Variants in IVNS1ABP observed in about 807,000 individuals in gnomAD.
IVNS1ABP encodes the protein influenza virus NS1A binding protein, also known as influenza virus NS1A-binding protein.
In IVNS1ABP, 25 loss-of-function variants were observed where a neutral mutation model predicts 78.9. The ratio of observed to expected loss-of-function variants is 0.32; its 90% confidence interval spans 0.23 to 0.44. The LOEUF is 0.44. IVNS1ABP is among the 20% of genes least tolerant of loss of function. The pLI is 1.00. For synonymous variants in IVNS1ABP, 241 were observed against 259.7 expected (o/e 0.93, Z 0.69); for missense variants, 494 against 768.9 (o/e 0.64, Z 4.23).
rs1436743484 is a variant in IVNS1ABP at position 185,301,095 on chromosome 1, G to T, written c.997C>A (p.Leu333Ile). The change falls in exon 10 of 15, where the codon CTA becomes ATA. Residue 333 changes from leucine to isoleucine, a missense_variant. Physicochemically the swap from Leu to Ile is conservative, Grantham distance 5 (BLOSUM62 2). Coordinates refer to ENST00000367498, the MANE Select transcript of IVNS1ABP (RefSeq NM_006469.5). ...PQSSPTSTPK[L>I]SKSLSFEMQQ... ...ATCTCAAAGCTTAAACTCTTACTTA[G>T]TTTTGGAGTACTTGTTGGTGAGCTC... 6 of 1,613,458 alleles carry T rather than the reference G, an allele frequency of 3.7e-6. No homozygotes were observed. Among genetic ancestry groups the T allele is most frequent in the Non-Finnish European group, 5.1e-6 (6 of 1,179,686 alleles).
chr1:185,307,200 C>T (rs571002321), intron 6 of IVNS1ABP, 61 bp from the exon 7 acceptor site: 3 of 1,576,248 alleles, frequency 1.9e-6, no homozygotes, highest in African/African-American at 1.4e-5. Flanking sequence ...CAGCTTAATT[C>T]CCAATTTCAT....
chr1:185,296,674 A>C lies in IVNS1ABP; in HGVS notation c.*1361T>G, dbSNP rs141435689. 222 of 152,230 alleles carry C rather than the reference A, an allele frequency of 1.5e-3. 1 individual carries two copies. Among genetic ancestry groups the C allele is most frequent in the African/African-American group, 5.3e-3 (220 of 41,550 alleles). 9.4% of individuals were successfully genotyped at this position (152,230 alleles called of 1,614,324 possible). A position where few individuals can be genotyped will look rare whatever the true frequency, so the allele number is the denominator to read the frequency against. On this transcript the variant is annotated 3_prime_UTR_variant, in exon 15 of 15. Coordinates refer to ENST00000367498, the MANE Select transcript of IVNS1ABP (RefSeq NM_006469.5). ...TCTTCCTAACCCAAGTTAGCCACTG[A>C]ATAGTCATCTCAGAATAGTCACCTC...
rs750468870 is a variant in IVNS1ABP, at chr1:185,300,389, C to A, written c.1243-46G>T. The stretch of plus-strand genomic sequence containing the variant: ...GAGAATTTCTAACATCCTGAAGTTA[C>A]GAGGAAAAAGCTAAATAGGGGTTGC... On this transcript the variant is annotated intron_variant, in intron 11 of 14. Transcript: ENST00000367498. The A allele has an allele frequency of 3.7e-6, 6 of 1,613,152 alleles. No individual in the cohort carries two copies. In the African/African-American group the frequency reaches 4.0e-5, roughly 11 times the overall value.
In IVNS1ABP at chr1:185,301,475, G is replaced by C. The variant is rs1465204140; in HGVS notation, c.854C>G (p.Pro285Arg). The C allele has an allele frequency of 6.2e-7, 1 of 1,613,238 alleles. No homozygotes were observed. Among genetic ancestry groups the C allele is most frequent in the Non-Finnish European group, 8.5e-7 (1 of 1,179,418 alleles). ...AGCAACGATTTTCCACTCATGCTTA[G>C]GGCTTTGTACTGTAGCATTTGGAGA... ...LSSPNATVQS[P>R]KHEWKIVASE... The change falls in exon 9 of 15, where the codon CCT (proline) becomes CGT (arginine). Residue 285 changes from proline to arginine, a missense_variant. Transcript: ENST00000367498.
chr1:185,305,444 C>T lies in IVNS1ABP; in HGVS notation c.765+92G>A. The T allele has an allele frequency of 7.2e-7, 1 of 1,396,378 alleles. No homozygotes were observed. Among genetic ancestry groups the T allele is most frequent in the African/African-American group, 1.4e-5 (1 of 70,286 alleles). The allele number at this position is 1,396,378 out of a possible 1,614,324, so 86.5% of individuals were successfully genotyped here. ...TCCAGTTATACCAATGAAATTGGTC[C>T]ACTTTCCTTTATTAAAGGAAAATTT... On this transcript the variant is annotated intron_variant, in intron 8 of 14. Coordinates refer to ENST00000367498, the MANE Select transcript of IVNS1ABP (RefSeq NM_006469.5). This position sits in a 1 kb window ranked among gnomAD's most constrained non-coding sequence, Gnocchi z 4.0.
chr1:185,307,117 T>C lies in IVNS1ABP; in HGVS notation c.554A>G (p.Asn185Ser). The change falls in exon 7 of 15, where the codon AAT becomes AGT. Residue 185 changes from asparagine (N) to serine (S), a missense_variant. Asn to Ser is a conservative substitution (Grantham distance 46, BLOSUM62 1). Coordinates refer to ENST00000367498, the MANE Select transcript of IVNS1ABP (RefSeq NM_006469.5). ...TTTGCCATTGCTGGGCAAGCAAACA[T>C]TATCTTCAAGCATTACCTCCAACTA... ...RLKLEVMLED[N>S]VCLPSNGKLY... is the part of the protein sequence containing the mutation. 6.2e-7 allele frequency: 1 copy of C among 1,613,462 alleles called. No homozygotes were observed. The highest frequency in any genetic ancestry group is 8.5e-7 in the Non-Finnish European group (1 of 1,179,538).
chr1:185,297,983 C>T lies in IVNS1ABP; in HGVS notation c.*52G>A, dbSNP rs377417365. On this transcript the variant is annotated 3_prime_UTR_variant, in exon 15 of 15. Transcript: ENST00000367498. ...CTCTTTATTCACAAGTGTACCTCTA[C>T]TAACCATAATTACATCACTAAGCCT... The T allele has an allele frequency of 6.9e-5, 108 of 1,575,822 alleles. No individual in the cohort carries two copies. The South Asian group carries it at 1.1e-3, about 16-fold the overall frequency.
rs781174080 is a variant in IVNS1ABP at position 185,298,016 on chromosome 1, T to C, written c.*19A>G. ...AATTACATCACTAAGCCTGTTAGTT[T>C]GAGAGGGTCTTAAATTTGTTAAAAC... On this transcript the variant is annotated 3_prime_UTR_variant, in exon 15 of 15. Coordinates refer to ENST00000367498, the MANE Select transcript of IVNS1ABP (RefSeq NM_006469.5). This position sits in a 1 kb window ranked among gnomAD's most constrained non-coding sequence, Gnocchi z 4.1. 16 of 1,609,748 alleles carry C rather than the reference T, an allele frequency of 9.9e-6. No individual in the cohort carries two copies. Among genetic ancestry groups the C allele is most frequent in the Non-Finnish European group, 1.4e-5 (16 of 1,177,214 alleles).
rs768425789 is a variant in IVNS1ABP, at chr1:185,300,134, T to C, written c.1370-4A>G. 6 of 1,611,674 alleles carry C rather than the reference T, an allele frequency of 3.7e-6. No individual in the cohort carries two copies. The highest frequency in any genetic ancestry group is 1.7e-4 in the Middle Eastern group (1 of 6,060). On this transcript the variant is annotated splice_polypyrimidine_tract_variant and splice_region_variant and intron_variant, in intron 12 of 14. Transcript: ENST00000367498. Reference sequence around the variant, plus strand: ...TTTCCATTCAGAGCACACACTCCTATGTAAGTATAAAATAAAGTTACATAT... The same window carrying C: ...TTTCCATTCAGAGCACACACTCCTACGTAAGTATAAAATAAAGTTACATAT...
intron 14 of IVNS1ABP, chr1:185,299,046 A>T (rs1473783702): frequency 6.6e-6 from 1 of 152,254 alleles, no homozygotes; most frequent in Non-Finnish European, 1.5e-5. Context: ...TTTTCATTTG[A>T]CCATCACTTA....
At chr1:185,310,732 A>G (rs1665864671) in intron 2 of IVNS1ABP, among the ~76,000 whole-genome samples, 1 of 151,936 alleles carries the variant, frequency 6.6e-6, no homozygotes, top group Admixed American at 6.6e-5. Flanking sequence ...AAAATTAGGC[A>G]GTCATGGTGG....
Position 185,297,921 on chromosome 1 carries a change from T to A in IVNS1ABP, c.*114A>T. ...TTAATAGTATGCAATATGCAAAAGC[T>A]TTGTGTTGCTGTTAGCAACATCTAT... On this transcript the variant is annotated 3_prime_UTR_variant, in exon 15 of 15. Transcript: ENST00000367498. 1.0e-6 allele frequency: 1 copy of A among 997,450 alleles called. No individual in the cohort carries two copies. Among genetic ancestry groups the A allele is most frequent in the Non-Finnish European group, 1.5e-6 (1 of 665,204 alleles). 61.8% of individuals were successfully genotyped at this position (997,450 alleles called of 1,614,324 possible). A position where few individuals can be genotyped will look rare whatever the true frequency, so the allele number is the denominator to read the frequency against.
At chr1:185,312,607 A>G (rs6687946) in intron 1 of IVNS1ABP, among the ~76,000 whole-genome samples, 5,856 of 152,254 alleles carry the variant, frequency 0.038, 281 homozygotes, top group African/African-American at 0.093. Flanking sequence ...AATAATGCCA[A>G]TTCGGGTTGG....
At chr1:185,299,677 C>T in intron 14 of IVNS1ABP, 33 bp downstream of exon 14, 1 of 1,606,948 alleles carries the variant, frequency 6.2e-7, no homozygotes, top group East Asian at 2.2e-5. Flanking sequence ...TTGCCACTAT[C>T]TACTCTTCAC....
Position 185,300,467 on chromosome 1 carries a change from T to C in IVNS1ABP, c.1212A>G (p.Pro404=). ...GTACAGCCATTTGAAATCGGGCTCT[T>C]GGTGTTCTCATGGGAGCAAGAAAGG... ...HWSFLAPMRT[P]RARFQMAVLM... Residue 404 remains proline, a synonymous_variant, in exon 11 of 15, where the codon CCA becomes CCG. Transcript: ENST00000367498. The C allele has an allele frequency of 5.0e-6, 8 of 1,613,710 alleles. No homozygotes were observed. Among genetic ancestry groups the C allele is most frequent in the Non-Finnish European group, 6.8e-6 (8 of 1,179,752 alleles).
rs746482274 is a variant in IVNS1ABP at position 185,307,038 on chromosome 1, G to C, written c.633C>G (p.Asp211Glu). ...WVQRSIWENG[D>E]SLEELMEEVQ... ...CCTCTTCCATCAGCTCTTCCAGACT[G>C]TCTCCATTCTCCCAGATGCTACGCT... The change falls in exon 7 of 15, where the codon GAC (aspartate) becomes GAG (glutamate). Residue 211 changes from aspartate to glutamate, a missense_variant. Coordinates refer to ENST00000367498, the MANE Select transcript of IVNS1ABP (RefSeq NM_006469.5). The C allele has an allele frequency of 1.9e-6, 3 of 1,613,316 alleles. No individual in the cohort carries two copies. The highest frequency in any genetic ancestry group is 1.7e-6 in the Non-Finnish European group (2 of 1,179,490).
chr1:185,303,410 CCT>C (rs1221050655), intron 8 of IVNS1ABP, among the ~76,000 whole-genome samples: 3 of 152,036 alleles, frequency 2.0e-5, no homozygotes, highest in Non-Finnish European at 4.4e-5. Flanking sequence ...TTCTTATTGT[CCT>C]CTGACTTTTC....
In IVNS1ABP at chr1:185,310,225, T is replaced by C. The variant is rs182409774; in HGVS notation, c.-18-714A>G. Among the ~76,000 whole-genome samples, 359 of 152,330 alleles carry C rather than the reference T, an allele frequency of 2.4e-3. 3 individuals carry two copies. The highest frequency in any genetic ancestry group is 1.8e-3 in the Non-Finnish European group (121 of 68,028). On this transcript the variant is annotated intron_variant, in intron 2 of 14. Coordinates refer to ENST00000367498, the MANE Select transcript of IVNS1ABP (RefSeq NM_006469.5). ...CTAAATCACTTATCTCATCAGATTA[T>C]ATAAATATAAATGGGAACTTACAAC...
chr1:185,299,355 G>A (rs948008637), intron 14 of IVNS1ABP: 4 of 283,648 alleles, frequency 1.4e-5, no homozygotes, highest in African/African-American at 8.7e-5. Context: ...AAAAGACTAG[G>A]GATTTGCCTT....
Sources: allele counts gnomAD v4.1 joint callset (sites outside exome capture counted in the v4.1 genomes callset), GRCh38; gene constraint gnomAD v4.1.1; non-coding constraint Gnocchi (gnomAD v3.1); transcripts MANE v1.5; gene names NCBI Gene and HGNC (gene_info 2026-07-23, HGNC 2026-07-21).